Variants in TLN2 observed in about 807,000 individuals in gnomAD.
TLN2 encodes talin-2.
A neutral mutation model predicts 294.7 loss-of-function variants in TLN2; 118 were observed. The observed-to-expected ratio is 0.40, with a 90% confidence interval of 0.34 to 0.47. TLN2 has a LOEUF of 0.47. Among genes scored for constraint, TLN2 ranks in the 20% least tolerant of loss-of-function variants. The probability of loss-of-function intolerance (pLI) is 0.84; values close to 1 mark genes in which losing one functional copy is unlikely to be tolerated. For missense variants in TLN2, 3,083 were observed against 3,282.2 expected (o/e 0.94, Z 1.48); for synonymous variants, 1,431 against 1,304.5 (o/e 1.10, Z -2.09).
intron 3 of TLN2, chr15:62,644,672 T>A: frequency 2.3e-6 from 1 of 441,972 alleles, no homozygotes; most frequent in Non-Finnish European, 4.5e-6. Flanking sequence ...TGCTGTGCCC[T>A]GCAGGGCTCC....
chr15:62,541,864 C>G (rs745373882), intron 1 of TLN2, among the ~76,000 whole-genome samples: 1 of 151,770 alleles, frequency 6.6e-6, no homozygotes, highest in Non-Finnish European at 1.5e-5. Flanking sequence ...GATGGGCCCT[C>G]GACTATCAGT....
chr15:62,470,725 A>C (rs1003521521), intron 1 of TLN2, among the ~76,000 whole-genome samples: 7 of 152,218 alleles, frequency 4.6e-5, no homozygotes, highest in Non-Finnish European at 8.8e-5. Context: ...GAGCCAGTGC[A>C]GGCACTGTGC....
chr15:62,647,584 A>G (rs1204830301), intron 4 of TLN2, 138 bp downstream of exon 4: 5 of 1,181,518 alleles, frequency 4.2e-6, no homozygotes, highest in Non-Finnish European at 6.0e-6. Context: ...CTTAGATCAG[A>G]CACTACCTGC....
intron 1 of TLN2, among the ~76,000 whole-genome samples, chr15:62,544,288 G>T (rs1240307446): frequency 6.6e-6 from 1 of 152,116 alleles, no homozygotes; most frequent in Non-Finnish European, 1.5e-5. Flanking sequence ...CTCTTCCCTA[G>T]TCTCCCCCAG....
rs966634570 is a variant in TLN2, at chr15:62,500,731, A to G, written c.-237-88956A>G. 3.3e-5 allele frequency among the ~76,000 whole-genome samples: 5 copies of G among 152,344 alleles called. No individual in the cohort carries two copies. The South Asian group carries it at 8.3e-4, about 25-fold the overall frequency. On this transcript the variant is annotated intron_variant, in intron 1 of 58. Coordinates refer to ENST00000636159, the MANE Select transcript of TLN2 (RefSeq NM_015059.3). ...CAATGCCCACTTGGAGTTGGGCACA[A>G]TGTGAAATTCCTTCTTGAGGGAGCG...
chr15:62,788,822 C>A (rs2064880344), intron 45 of TLN2, among the ~76,000 whole-genome samples: 1 of 152,206 alleles, frequency 6.6e-6, no homozygotes, highest in African/African-American at 2.4e-5. Context: ...ATGGCACTTT[C>A]ATCTTTTTGA....
At chr15:62,729,475 A>G (rs899807243) in intron 28 of TLN2, among the ~76,000 whole-genome samples, 1 of 152,180 alleles carries the variant, frequency 6.6e-6, no homozygotes, top group African/African-American at 2.4e-5. Flanking sequence ...TATATCATTG[A>G]GTCTTCTAAT....
At chr15:62,701,288 A>C (rs1327737172) in intron 17 of TLN2, 74 bp downstream of exon 17, 2 of 1,224,140 alleles carry the variant, frequency 1.6e-6, no homozygotes, top group African/African-American at 3.1e-5. Context: ...ATTTTAAAAA[A>C]TAAGTTATCT....
intron 42 of TLN2, among the ~76,000 whole-genome samples, chr15:62,772,722 G>A (rs754519940): frequency 1.3e-5 from 2 of 151,848 alleles, no homozygotes; most frequent in Non-Finnish European, 2.9e-5. Context: ...GAGTGCAATG[G>A]CGCGATCTCG....
chr15:62,793,351 A>G (rs1302002980), intron 46 of TLN2, among the ~76,000 whole-genome samples: 1 of 152,212 alleles, frequency 6.6e-6, no homozygotes, highest in African/African-American at 2.4e-5. Context: ...TTGTTTGTAG[A>G]GAGATTCCCA....
At chr15:62,619,310 G>A (rs1034766153) in intron 3 of TLN2, among the ~76,000 whole-genome samples, 3 of 152,242 alleles carry the variant, frequency 2.0e-5, no homozygotes, top group Non-Finnish European at 4.4e-5. Context: ...TGGAGTGGGC[G>A]TGCCCATTCT....
intron 2 of TLN2, among the ~76,000 whole-genome samples, chr15:62,611,171 G>C (rs1475322353): frequency 6.6e-6 from 1 of 152,134 alleles, no homozygotes; most frequent in East Asian, 1.9e-4. Flanking sequence ...TATTTATAAA[G>C]CCTCTTTATA....
Position 62,725,036 on chromosome 15 carries a change from A to C in TLN2, c.3187A>C (p.Lys1063Gln). The C allele has an allele frequency of 6.2e-7, 1 of 1,613,680 alleles. No homozygotes were observed. The highest frequency in any genetic ancestry group is 8.5e-7 in the Non-Finnish European group (1 of 1,179,888). ...DSALNTVQTL[K>Q]NELQDAKMAA... Reference sequence around the variant, plus strand: ...AGCTCTGAATACGGTGCAGACGCTTAAGAATGAACTGCAGGATGCCAAGAT... The same window carrying C: ...AGCTCTGAATACGGTGCAGACGCTTCAGAATGAACTGCAGGATGCCAAGAT... The change falls in exon 27 of 59, where the codon AAG becomes CAG. Residue 1063 changes from lysine to glutamine, a missense_variant. Lys to Gln is a moderately conservative substitution (Grantham distance 53, BLOSUM62 1). Coordinates refer to ENST00000636159, the MANE Select transcript of TLN2 (RefSeq NM_015059.3).
In TLN2 at chr15:62,796,267, G is replaced by T; in HGVS notation, c.6024G>T (p.Glu2008Asp). The change falls in exon 47 of 59, where the codon GAG becomes GAT. Residue 2008 changes from glutamate (E) to aspartate (D), a missense_variant. Coordinates refer to ENST00000636159, the MANE Select transcript of TLN2 (RefSeq NM_015059.3). ...MFATAGTLNA[E>D]NSETFADHRE... The stretch of plus-strand genomic sequence containing the variant: ...CAACAGCGGGGACGCTGAATGCAGA[G>T]AACAGTGAGACCTTCGCAGACCACA... 6.2e-7 allele frequency: 1 copy of T among 1,614,140 alleles called. No homozygotes were observed. Among genetic ancestry groups the T allele is most frequent in the South Asian group, 1.1e-5 (1 of 91,068 alleles).
intron 1 of TLN2, among the ~76,000 whole-genome samples, chr15:62,568,535 C>T (rs975587624): frequency 3.3e-5 from 5 of 152,168 alleles, no homozygotes; most frequent in African/African-American, 7.2e-5. Flanking sequence ...AAGCACAGTG[C>T]GTGGCCCATG....
At chr15:62,488,801 C>G (rs2038548648) in intron 1 of TLN2, among the ~76,000 whole-genome samples, 1 of 152,104 alleles carries the variant, frequency 6.6e-6, no homozygotes, top group South Asian at 2.1e-4. Context: ...TGATTTACCC[C>G]CAAAAGAAGA....
intron 1 of TLN2, among the ~76,000 whole-genome samples, chr15:62,489,469 A>G (rs2038589434): frequency 1.3e-5 from 2 of 152,152 alleles, no homozygotes; most frequent in South Asian, 4.1e-4. Context: ...ATAAACCATT[A>G]GTAATTGGTG....
intron 50 of TLN2, among the ~76,000 whole-genome samples, chr15:62,802,413 C>T (rs1596050269): frequency 2.0e-5 from 1 of 50,542 alleles, no homozygotes; most frequent in Non-Finnish European, 5.0e-5. Context: ...TACAATGGTA[C>T]ACACACACAC....
At chr15:62,756,439 A>G (rs1405006176) in intron 37 of TLN2, among the ~76,000 whole-genome samples, 1 of 152,120 alleles carries the variant, frequency 6.6e-6, no homozygotes, top group Non-Finnish European at 1.5e-5. Flanking sequence ...GTGAGAAAAC[A>G]GCCACAGCCT....
Sources: gnomAD v4.1 joint callset for allele counts (sites outside exome capture counted in the v4.1 genomes callset) on GRCh38, gnomAD v4.1.1 for gene constraint, MANE v1.5 for transcripts, NCBI Gene and HGNC (gene_info 2026-07-23, HGNC 2026-07-21) for gene names.